ROBO2: variants seen among roughly 807,000 people sequenced by gnomAD.
ROBO2 encodes roundabout guidance receptor 2.
In ROBO2, 53 loss-of-function variants were observed where a neutral mutation model predicts 160.8. The ratio of observed to expected loss-of-function variants is 0.33; its 90% CI spans 0.26 to 0.41. ROBO2 has a LOEUF of 0.41. ROBO2 is among the 10% of genes least tolerant of loss of function. ROBO2 has a pLI of 1.00. For missense variants in ROBO2, 1,577 were observed against 1,722.4 expected, an observed-to-expected ratio of 0.92 and a Z score of 1.49; for synonymous variants, 664 against 611.7, an observed-to-expected ratio of 1.09 and a Z score of -1.26.
intron 2 of ROBO2, among the ~76,000 whole-genome samples, chr3:76,823,260 G>A (rs1449830423): frequency 6.6e-6 from 1 of 151,988 alleles, no homozygotes; most frequent in African/African-American, 2.4e-5. Context: ...TGAATTTATT[G>A]ACCCACACAA....
At chr3:77,503,029 C>T (rs777896132) in intron 5 of ROBO2, among the ~76,000 whole-genome samples, 16 of 151,804 alleles carry the variant, frequency 1.1e-4, no homozygotes, top group Non-Finnish European at 2.4e-4. Context: ...TAAGTATAGT[C>T]AATAATAACA....
chr3:75,990,083 A>T (rs2107506035), intron 2 of ROBO2, among the ~76,000 whole-genome samples: 1 of 152,332 alleles, frequency 6.6e-6, no homozygotes, highest in Admixed American at 6.5e-5. Flanking sequence ...AAATAAGCTT[A>T]TAAAGTATGT....
chr3:75,931,042 T>G (rs200030894), intron 1 of ROBO2, among the ~76,000 whole-genome samples: 2 of 152,350 alleles, frequency 1.3e-5, no homozygotes, highest in East Asian at 3.9e-4. Flanking sequence ...TTCCTCATCA[T>G]TGCTAATGAA....
At chr3:76,422,625 ATT>A (rs1327766229) in intron 2 of ROBO2, among the ~76,000 whole-genome samples, 4 of 152,184 alleles carry the variant, frequency 2.6e-5, no homozygotes, top group African/African-American at 7.2e-5. Flanking sequence ...TAGAAAATAA[ATT>A]TACTTTCATG....
chr3:77,038,467 G>A (rs1374550748), upstream of ROBO2, among the ~76,000 whole-genome samples: 1 of 152,010 alleles, frequency 6.6e-6, no homozygotes, highest in East Asian at 1.9e-4. Flanking sequence ...CCCATAATAT[G>A]CAAGGGAGAC....
intron 2 of ROBO2, among the ~76,000 whole-genome samples, chr3:76,549,971 C>G (rs1002178844): frequency 6.6e-6 from 1 of 152,154 alleles, no homozygotes; most frequent in African/African-American, 2.4e-5. Context: ...AGAATGTTCC[C>G]TACTGTCAGG....
At chr3:77,542,323 T>C (rs2092502730) in intron 6 of ROBO2, among the ~76,000 whole-genome samples, 1 of 152,192 alleles carries the variant, frequency 6.6e-6, no homozygotes, top group Non-Finnish European at 1.5e-5. Context: ...AGGATGTGTA[T>C]TTTCACAGAC....
chr3:77,607,914 A>G (rs2094557107), exon 21 of ROBO2: 1 of 1,613,576 alleles, frequency 6.2e-7, no homozygotes, highest in Non-Finnish European at 8.5e-7. Context: ...CCTTCCTGGC[A>G]CGGAGCTGGA....
At chr3:77,618,456 G>A (rs867897985) in intron 22 of ROBO2, among the ~76,000 whole-genome samples, 3 of 151,980 alleles carry the variant, frequency 2.0e-5, no homozygotes, top group Non-Finnish European at 2.9e-5. Context: ...TGGGACTAAC[G>A]CTAACAGTTT....
intron 2 of ROBO2, among the ~76,000 whole-genome samples, chr3:77,414,025 A>G (rs1004815565): frequency 2.0e-5 from 3 of 152,074 alleles, no homozygotes; most frequent in African/African-American, 7.2e-5. Flanking sequence ...AGATCCCAAG[A>G]CTGAGCTTTG....
intron 2 of ROBO2, among the ~76,000 whole-genome samples, chr3:77,226,903 A>G (rs1436783663): frequency 6.6e-6 from 1 of 152,206 alleles, no homozygotes; most frequent in Non-Finnish European, 1.5e-5. Flanking sequence ...ACCATTGTGA[A>G]GTCAAAAAAT....
chr3:76,942,431 T>C (rs2078250876), intron 2 of ROBO2, among the ~76,000 whole-genome samples: 1 of 152,234 alleles, frequency 6.6e-6, no homozygotes, highest in African/African-American at 2.4e-5. Context: ...ATAAATTGTG[T>C]TGTGTAAGTA....
chr3:76,486,765 G>A (rs1023200922), intron 2 of ROBO2, among the ~76,000 whole-genome samples: 19 of 152,126 alleles, frequency 1.2e-4, no homozygotes, highest in Admixed American at 7.2e-4. Context: ...GAAACAAAAT[G>A]TATGATATTA....
At chr3:77,535,211 T>C (rs1450995646) in intron 6 of ROBO2, among the ~76,000 whole-genome samples, 1 of 133,256 alleles carries the variant, frequency 7.5e-6, no homozygotes, top group Non-Finnish European at 1.5e-5. Context: ...TTTCTTTTTC[T>C]TTTTTTTTTT....
chr3:76,434,584 C>G, intron 2 of ROBO2: 1 of 1,583,542 alleles, frequency 6.3e-7, no homozygotes, highest in South Asian at 1.1e-5. Context: ...TGCAGGCTTA[C>G]ATTAAGGAGT....
At chr3:76,491,160 A>G (rs1390105953) in intron 2 of ROBO2, among the ~76,000 whole-genome samples, 1 of 152,002 alleles carries the variant, frequency 6.6e-6, no homozygotes, top group Non-Finnish European at 1.5e-5. Context: ...GGGTTTCACC[A>G]TGTTGGCCAG....
chr3:76,769,394 C>A (rs1044613626), intron 2 of ROBO2, among the ~76,000 whole-genome samples: 3 of 151,116 alleles, frequency 2.0e-5, no homozygotes, highest in Admixed American at 1.3e-4. Context: ...AACGACCATG[C>A]TTTGAGGAGT....
chr3:76,463,328 T>G (rs986064241), intron 2 of ROBO2, among the ~76,000 whole-genome samples: 1 of 151,872 alleles, frequency 6.6e-6, no homozygotes, highest in Admixed American at 6.6e-5. Context: ...CCCTTAAAGA[T>G]AGCAGTCACT....
At chr3:76,679,004 A>G (rs2092485136) in intron 2 of ROBO2, among the ~76,000 whole-genome samples, 1 of 152,148 alleles carries the variant, frequency 6.6e-6, no homozygotes, top group South Asian at 2.1e-4. Context: ...ATTTATCATA[A>G]CACCTCCACT....
Sources: gnomAD v4.1 joint callset for allele counts (sites outside exome capture counted in the v4.1 genomes callset) on GRCh38, gnomAD v4.1.1 for gene constraint, MANE v1.5 for transcripts, NCBI Gene and HGNC (gene_info 2026-07-23, HGNC 2026-07-21) for gene names.